The following RERE variants were observed in gnomAD, a reference collection of about 807,000 sequenced individuals.
RERE encodes arginine-glutamic acid dipeptide repeats protein.
Under a neutral mutation model 146.1 loss-of-function variants are expected in RERE, and 40 were observed. The ratio of observed to expected loss-of-function variants is 0.27; its 90% confidence interval spans 0.21 to 0.36. RERE has a LOEUF of 0.36. RERE is among the 10% of genes least tolerant of loss of function. RERE has a pLI of 1.00. For synonymous variants in RERE, 1,003 were observed against 866.0 expected (o/e 1.16, Z -2.78); for missense variants, 1,933 against 2,138.7 (o/e 0.90, Z 1.90).
In RERE at chr1:8,476,838, T is replaced by A. The variant is rs1644763283; in HGVS notation, c.1105-10815A>T. ...CTGAGGTAGGTCATTTTTGGAACTT[T>A]CCAGTATTCAACATTCCTTCACTTA... On this transcript the variant is annotated intron_variant, in intron 10 of 22. Transcript: ENST00000400908. Among the ~76,000 whole-genome samples the A allele has an allele frequency of 4.6e-5, 7 of 152,364 alleles. No homozygotes were observed. In the South Asian group the frequency reaches 1.4e-3, roughly 32 times the overall value.
chr1:8,576,747 G>A (rs563149448), intron 4 of RERE, among the ~76,000 whole-genome samples: 6 of 152,334 alleles, frequency 3.9e-5, no homozygotes, highest in African/African-American at 1.4e-4. Context: ...TATGGGAAAA[G>A]GGTTGTCATT....
chr1:8,605,172 C>G (rs1646687066), intron 4 of RERE, among the ~76,000 whole-genome samples: 1 of 152,186 alleles, frequency 6.6e-6, no homozygotes, highest in Admixed American at 6.5e-5. Flanking sequence ...GAGTCTCGCT[C>G]TGTCGCCCAG....
intron 8 of RERE, among the ~76,000 whole-genome samples, chr1:8,500,757 G>A (rs1179502663): frequency 6.6e-6 from 1 of 151,908 alleles, no homozygotes; most frequent in African/African-American, 2.4e-5. Context: ...TCCCATCTAG[G>A]AAGCGAGGAG....
At chr1:8,561,783 G>C (rs530675921) in intron 4 of RERE, among the ~76,000 whole-genome samples, 1 of 152,330 alleles carries the variant, frequency 6.6e-6, no homozygotes, top group Non-Finnish European at 1.5e-5. Context: ...AGTGTTCCCA[G>C]AGCTACCTCA....
At chr1:8,355,147 T>C (rs1470108375) in intron 22 of RERE, 27 bp from the exon 23 acceptor site, 16 of 1,612,988 alleles carry the variant, frequency 9.9e-6, no homozygotes, top group Non-Finnish European at 1.3e-5. Context: ...GGAAAGCGTA[T>C]TTAGTCTCAG....
At chr1:8,610,406 T>C (rs993079417) in intron 4 of RERE, among the ~76,000 whole-genome samples, 3 of 151,612 alleles carry the variant, frequency 2.0e-5, no homozygotes, top group Non-Finnish European at 2.9e-5. Flanking sequence ...CTGGCCAACA[T>C]AGTGAAACCC....
chr1:8,604,210 C>T (rs900421621), intron 4 of RERE, among the ~76,000 whole-genome samples: 1 of 152,102 alleles, frequency 6.6e-6, no homozygotes, highest in Non-Finnish European at 1.5e-5. Flanking sequence ...CAATGGGTAA[C>T]CAACATGATT....
chr1:8,568,499 T>A (rs766175348), intron 4 of RERE, among the ~76,000 whole-genome samples: 1 of 152,232 alleles, frequency 6.6e-6, no homozygotes, highest in African/African-American at 2.4e-5. Flanking sequence ...AGGAGCCTGA[T>A]AACTCATTAA....
intron 1 of RERE, among the ~76,000 whole-genome samples, chr1:8,740,594 C>T (rs1320919316): frequency 6.6e-6 from 1 of 152,150 alleles, no homozygotes; most frequent in Admixed American, 6.5e-5. Flanking sequence ...AACACGAATA[C>T]ATTGTGCAGC....
chr1:8,429,242 C>T (rs301799), intron 11 of RERE, among the ~76,000 whole-genome samples: 92,517 of 151,956 alleles, frequency 0.61, 28,764 homozygotes, highest in East Asian at 0.83. Flanking sequence ...AATCCTTGAA[C>T]CAGGCTGGGA....
Position 8,358,808 on chromosome 1 carries a change from G to C in RERE, c.3727C>G (p.Pro1243Ala), listed in dbSNP as rs749567752. 6.2e-7 allele frequency: 1 copy of C among 1,612,216 alleles called. No homozygotes were observed. Among genetic ancestry groups the C allele is most frequent in the Admixed American group, 1.7e-5 (1 of 59,828 alleles). Residue 1243 changes from proline (P) to alanine (A), a missense_variant, in exon 20 of 23, where the codon CCC (proline) becomes GCC (alanine). By Grantham distance (27) the Pro-to-Ala change is conservative (BLOSUM62 -1). Transcript: ENST00000400908. Reference protein sequence around the residue: ...EPPPTTIAAVPPYIGPDTPAL... With the variant: ...EPPPTTIAAVAPYIGPDTPAL... ...GGTGTGTCGGGCCCGATGTAGGGGG[G>C]CACAGCAGCAATGGTGGTTGGTGGT...
chr1:8,365,430 C>G (rs1349329928), intron 13 of RERE, among the ~76,000 whole-genome samples: 1 of 152,174 alleles, frequency 6.6e-6, no homozygotes, highest in Non-Finnish European at 1.5e-5. Flanking sequence ...TTAATCTGAT[C>G]TTCTTACAAC....
intron 2 of RERE, among the ~76,000 whole-genome samples, chr1:8,627,527 A>C (rs1171742242): frequency 1.3e-5 from 2 of 149,748 alleles, no homozygotes; most frequent in Non-Finnish European, 3.0e-5. Flanking sequence ...GCTTGAACCC[A>C]GGAGGCGGAG....
rs542179712 is a variant in RERE, at chr1:8,786,599, G to A, written c.-145+30561C>T. On this transcript the variant is annotated intron_variant, in intron 1 of 22. Transcript: ENST00000400908. Reference sequence around the variant, plus strand: ...AAGGTTCCACTGAAGATTTGATAAAGGCGAAGAAGCTGCAACACCTTTCAG... The same window carrying A: ...AAGGTTCCACTGAAGATTTGATAAAAGCGAAGAAGCTGCAACACCTTTCAG... 2.1e-3 allele frequency: 1,619 copies of A among 768,236 alleles called. 24 individuals carry two copies. The highest frequency in any genetic ancestry group is 0.017 in the South Asian group (1,237 of 74,660). The allele number at this position is 768,236 out of a possible 1,614,324, so 47.6% of individuals were successfully genotyped here.
At chr1:8,687,960 C>T (rs1331556618) in intron 1 of RERE, among the ~76,000 whole-genome samples, 1 of 152,150 alleles carries the variant, frequency 6.6e-6, no homozygotes, top group Non-Finnish European at 1.5e-5. Context: ...TTCAATTAAT[C>T]ACCAAGAACT....
rs545029318 is a variant in RERE, at chr1:8,697,083, T to C, written c.-144-40642A>G. On this transcript the variant is annotated intron_variant, in intron 1 of 22. Transcript: ENST00000400908. ...TCCTTTCCATGAACATCTAACATAT[T>C]GAGAAAGGTGAATATTTCATTACTG... Among the ~76,000 whole-genome samples, 12 of 152,276 alleles carry C rather than the reference T, an allele frequency of 7.9e-5. 1 individual carries two copies. The highest frequency in any genetic ancestry group is 6.5e-4 in the Admixed American group (10 of 15,306).
chr1:8,408,790 G>C (rs1316799005), intron 12 of RERE, among the ~76,000 whole-genome samples: 1 of 152,152 alleles, frequency 6.6e-6, no homozygotes, highest in Non-Finnish European at 1.5e-5. Context: ...GGTTATGTGT[G>C]CTATAAAAAA....
intron 10 of RERE, among the ~76,000 whole-genome samples, chr1:8,494,043 T>C (rs537920552): frequency 1.3e-5 from 2 of 152,306 alleles, no homozygotes; most frequent in South Asian, 4.1e-4. Context: ...AGTAATCATA[T>C]TGTTTGCAGC....
rs552423456 is a variant in RERE, at chr1:8,601,146, A to AGT, written c.522+13413_522+13414dup. Reference sequence around the variant, plus strand: ...GCAGTTCTCCTGCCTCAGCCTCCCAAGTTGCTGGGATTACTAGCGTGCGCC... The same window carrying AGT: ...GCAGTTCTCCTGCCTCAGCCTCCCAAGTGTTGCTGGGATTACTAGCGTGCGCC... On this transcript the variant is annotated intron_variant, in intron 4 of 22. Coordinates refer to ENST00000400908, the MANE Select transcript of RERE (RefSeq NM_001042681.2). Among the ~76,000 whole-genome samples the AGT allele has an allele frequency of 2.0e-3, 298 of 149,446 alleles. 1 individual carries two copies. The highest frequency in any genetic ancestry group is 7.1e-3 in the African/African-American group (289 of 40,446).
Sources: allele counts gnomAD v4.1 joint callset (sites outside exome capture counted in the v4.1 genomes callset), GRCh38; gene constraint gnomAD v4.1.1; transcripts MANE v1.5; gene names NCBI Gene and HGNC (gene_info 2026-07-23, HGNC 2026-07-21).